RNF217: variants seen among roughly 807,000 people sequenced by gnomAD.
The protein encoded by RNF217 is ring finger protein 217.
Under a neutral mutation model 57.8 loss-of-function variants are expected in RNF217, and 31 were observed. That is an observed-to-expected ratio of 0.54 (90% CI 0.40 to 0.72). RNF217 has a LOEUF of 0.72. Ranked by LOEUF, RNF217 falls within the 30% of genes least tolerant of loss-of-function variation. The pLI, the probability that RNF217 is intolerant of heterozygous loss-of-function variation, is 0.00. For missense variants in RNF217, 696 were observed against 708.3 expected, an observed-to-expected ratio of 0.98 and a Z score of 0.20; for synonymous variants, 313 against 294.0, an observed-to-expected ratio of 1.06 and a Z score of -0.66.
chr6:125,044,620 G>T (rs506058), intron 1 of RNF217, among the ~76,000 whole-genome samples: 57,810 of 151,820 alleles, frequency 0.38, 11,486 homozygotes, highest in East Asian at 0.54. Flanking sequence ...TTGTTCCTAT[G>T]ATTCTCATTA....
rs1310303990 is a variant in RNF217 at position 125,092,201 on chromosome 6, G to A, written c.*9264G>A. On this transcript the variant is annotated 3_prime_UTR_variant, in exon 6 of 6. Coordinates refer to ENST00000521654, the MANE Select transcript of RNF217 (RefSeq NM_001286398.3). ...TACCTCAAGAATTTTCAGTCGATAT[G>A]TCAATGTACTGTTCCTTCTCAGTAA... 4 of 151,900 alleles carry A rather than the reference G, an allele frequency of 2.6e-5. No individual in the cohort carries two copies. Among genetic ancestry groups the A allele is most frequent in the Non-Finnish European group, 4.4e-5 (3 of 67,988 alleles). 9.4% of individuals were successfully genotyped at this position (151,900 alleles called of 1,614,324 possible).
chr6:125,023,182 C>T (rs1033375716), intron 1 of RNF217, among the ~76,000 whole-genome samples: 4 of 152,114 alleles, frequency 2.6e-5, no homozygotes, highest in African/African-American at 9.7e-5. Context: ...AATTTGATGT[C>T]TGAGGTAAGA....
chr6:124,972,232 C>A (rs1414355430), intron 1 of RNF217, among the ~76,000 whole-genome samples: 1 of 152,136 alleles, frequency 6.6e-6, no homozygotes, highest in Non-Finnish European at 1.5e-5. Flanking sequence ...TAATTAATCA[C>A]CAGGTCCTTT....
At chr6:125,082,308 A>G in intron 5 of RNF217, 1 of 830,890 alleles carries the variant, frequency 1.2e-6, no homozygotes, top group Non-Finnish European at 1.7e-6. Context: ...TTTGCTAAAT[A>G]AAATGATTTT....
intron 1 of RNF217, among the ~76,000 whole-genome samples, chr6:124,967,610 C>T (rs1582647453): frequency 6.6e-6 from 1 of 152,200 alleles, no homozygotes; most frequent in East Asian, 1.9e-4. Context: ...ATACAAGCAA[C>T]ACATTTCTTC....
At chr6:125,030,019 G>A (rs559539571) in intron 1 of RNF217, among the ~76,000 whole-genome samples, 19 of 152,270 alleles carry the variant, frequency 1.2e-4, no homozygotes, top group African/African-American at 3.8e-4. Context: ...GGAGGCCTCA[G>A]AATCATGGCG....
At chr6:125,008,771 C>CCTTCT (rs1785298275) in intron 1 of RNF217, 1 of 137,930 alleles carries the variant, frequency 7.3e-6, no homozygotes, top group Non-Finnish European at 1.5e-5. Flanking sequence ...CTGTAGGTTT[C>CCTTCT]CTTCTCTTTG....
intron 1 of RNF217, among the ~76,000 whole-genome samples, chr6:125,000,592 C>G (rs1784939549): frequency 6.6e-6 from 1 of 151,950 alleles, no homozygotes; most frequent in South Asian, 2.1e-4. Flanking sequence ...TTGATCCTCA[C>G]ATTAATCAGG....
intron 1 of RNF217, among the ~76,000 whole-genome samples, chr6:125,020,894 A>G (rs1344233572): frequency 1.3e-5 from 2 of 152,214 alleles, no homozygotes; most frequent in Non-Finnish European, 2.9e-5. Context: ...ATCAAATTAA[A>G]GGCAAAAGTT....
Position 125,085,187 on chromosome 6 carries a change from TC to T in RNF217, c.*2251del, listed in dbSNP as rs1385979029. 6.6e-6 allele frequency: 1 copy of T among 151,960 alleles called. No homozygotes were observed. Among genetic ancestry groups the T allele is most frequent in the African/African-American group, 2.4e-5 (1 of 41,438 alleles). The allele number at this position is 151,960 out of a possible 1,614,324, so 9.4% of individuals were successfully genotyped here. A position where few individuals can be genotyped will look rare whatever the true frequency, so the allele number is the denominator to read the frequency against. On this transcript the variant is annotated 3_prime_UTR_variant, in exon 6 of 6. Transcript: ENST00000521654. ...TTTGGCCTACTCAGGGATTTTTATT[TC>T]TTTAAATAACTTATCTTTTGGACAT...
At chr6:124,997,039 C>T (rs1387857697) in intron 1 of RNF217, among the ~76,000 whole-genome samples, 4 of 152,074 alleles carry the variant, frequency 2.6e-5, no homozygotes, top group Non-Finnish European at 4.4e-5. Flanking sequence ...TCTACAAACA[C>T]GGACGTGCTG....
Position 125,086,735 on chromosome 6 carries a change from A to G in RNF217, c.*3798A>G, listed in dbSNP as rs1181390172. 1.3e-5 allele frequency: 2 copies of G among 152,122 alleles called. No homozygotes were observed. The highest frequency in any genetic ancestry group is 4.8e-5 in the African/African-American group (2 of 41,450). 9.4% of individuals were successfully genotyped at this position (152,122 alleles called of 1,614,324 possible). On this transcript the variant is annotated 3_prime_UTR_variant, in exon 6 of 6. Coordinates refer to ENST00000521654, the MANE Select transcript of RNF217 (RefSeq NM_001286398.3). ...ATAGGTGCTATTGTGTCCTAAGAGT[A>G]GAACAGACAAGAAAACAAAGATAAT...
intron 2 of RNF217, among the ~76,000 whole-genome samples, chr6:125,054,014 C>A (rs1787427976): frequency 6.6e-6 from 1 of 152,090 alleles, no homozygotes; most frequent in Non-Finnish European, 1.5e-5. Context: ...TCTTTGAATT[C>A]ATTTAATGTT....
At chr6:125,032,206 G>A (rs1241711281) in intron 1 of RNF217, among the ~76,000 whole-genome samples, 2 of 152,080 alleles carry the variant, frequency 1.3e-5, no homozygotes, top group African/African-American at 2.4e-5. Flanking sequence ...CATATCAGCT[G>A]CTTTCTCCAC....
At chr6:124,978,793 A>T (rs1447545159) in intron 1 of RNF217, among the ~76,000 whole-genome samples, 2 of 152,156 alleles carry the variant, frequency 1.3e-5, no homozygotes. Context: ...CCCCTGACCA[A>T]GAGGAATAAG....
intron 5 of RNF217, chr6:125,082,484 G>C: frequency 6.2e-7 from 1 of 1,612,314 alleles, no homozygotes; most frequent in Non-Finnish European, 8.5e-7. Context: ...CCTCATAAGT[G>C]GTAGAACCAG....
intron 2 of RNF217, among the ~76,000 whole-genome samples, chr6:125,048,783 A>G (rs1715665081): frequency 6.6e-6 from 1 of 152,076 alleles, no homozygotes; most frequent in Non-Finnish European, 1.5e-5. Context: ...AAGAATAAGC[A>G]GTAACTAGAA....
At position 125,078,121 on chromosome 6, in the gene RNF217, C is replaced by T. The variant is rs537528417; in HGVS notation, c.1483+1263C>T. Among the ~76,000 whole-genome samples the T allele has an allele frequency of 1.5e-3, 234 of 152,190 alleles. 1 individual carries two copies. Among genetic ancestry groups the T allele is most frequent in the African/African-American group, 5.3e-3 (219 of 41,528 alleles). On this transcript the variant is annotated intron_variant, in intron 4 of 5. Transcript: ENST00000521654. Reference sequence around the variant, plus strand: ...GACTGCTTTTAATGATTTTCCAGTGCGTGCCGCTTCTTAATTTGCAAATAT... The same window carrying T: ...GACTGCTTTTAATGATTTTCCAGTGTGTGCCGCTTCTTAATTTGCAAATAT...
chr6:125,063,982 C>G (rs568485710), intron 3 of RNF217, among the ~76,000 whole-genome samples: 1 of 152,170 alleles, frequency 6.6e-6, no homozygotes, highest in South Asian at 2.1e-4. Context: ...ATAATCTTCC[C>G]CTGTTCACAT....
Sources: allele counts gnomAD v4.1 joint callset (sites outside exome capture counted in the v4.1 genomes callset), GRCh38; gene constraint gnomAD v4.1.1; transcripts MANE v1.5; gene names NCBI Gene and HGNC (gene_info 2026-07-23, HGNC 2026-07-21).